Variants in CACNA2D1 observed in about 807,000 individuals in gnomAD.
CACNA2D1 encodes the protein voltage-dependent calcium channel subunit alpha-2/delta-1.
CACNA2D1 carries 53 observed loss-of-function variants against 171.5 expected under a neutral mutation model. The observed-to-expected ratio is 0.31, with a 90% confidence interval of 0.25 to 0.39. The LOEUF (loss-of-function observed/expected upper bound fraction) is 0.39, where lower values mean the gene tolerates loss of function less well. Ranked by LOEUF, CACNA2D1 falls within the 10% of genes least tolerant of loss-of-function variation. The pLI is 1.00. For synonymous variants in CACNA2D1, 442 were observed against 443.1 expected, an observed-to-expected ratio of 1.00 and a Z score of 0.03; for missense variants, 903 against 1,299.8, an observed-to-expected ratio of 0.69 and a Z score of 4.69.
chr7:82,065,687 G>A (rs916920559), intron 8 of CACNA2D1, among the ~76,000 whole-genome samples: 11 of 152,034 alleles, frequency 7.2e-5, no homozygotes, highest in Middle Eastern at 3.2e-3. Flanking sequence ...TAACCTAAAC[G>A]TCCAATAATA....
At chr7:82,405,511 A>C (rs1344491071) in intron 1 of CACNA2D1, among the ~76,000 whole-genome samples, 3 of 152,176 alleles carry the variant, frequency 2.0e-5, no homozygotes, top group Non-Finnish European at 2.9e-5. Flanking sequence ...GAGGCTACTG[A>C]GTAGGAAAAT....
Position 82,116,941 on chromosome 7 carries a change from A to G in CACNA2D1, c.526+103T>C, listed in dbSNP as rs1304219670. 4.7e-6 allele frequency: 6 copies of G among 1,284,698 alleles called. No homozygotes were observed. In the African/African-American group the frequency reaches 8.8e-5, roughly 19 times the overall value. 79.6% of individuals were successfully genotyped at this position (1,284,698 alleles called of 1,614,324 possible). A position where few individuals can be genotyped will look rare whatever the true frequency, so the allele number is the denominator to read the frequency against. ...TACCACAGACTCTTATATGACAAAC[A>G]AAACAATGTCACATTTGCTCTTTTT... is the stretch of plus-strand genomic sequence containing the variant. On this transcript the variant is annotated intron_variant, in intron 6 of 38. Coordinates refer to ENST00000356860, the MANE Select transcript of CACNA2D1 (RefSeq NM_000722.4).
At chr7:82,051,242 G>A (rs1253038113) in intron 10 of CACNA2D1, 1 of 152,164 alleles carries the variant, frequency 6.6e-6, no homozygotes, top group African/African-American at 2.4e-5. Flanking sequence ...GGCTTTTATA[G>A]CAGTTGCATT....
In CACNA2D1 at chr7:82,206,435, T is replaced by C. The variant is rs560082160; in HGVS notation, c.295-35826A>G. Among the ~76,000 whole-genome samples, 8 of 152,266 alleles carry C rather than the reference T, an allele frequency of 5.3e-5. No homozygotes were observed. In the South Asian group the frequency reaches 1.7e-3, roughly 32 times the overall value. On this transcript the variant is annotated intron_variant, in intron 3 of 38. Transcript: ENST00000356860. ...AATAACTCTTAACAAGTAACAACCA[T>C]GCATATTTTACTTCCTACTTCATCA...
intron 3 of CACNA2D1, among the ~76,000 whole-genome samples, chr7:82,259,229 CA>C: frequency 8.2e-5 from 1 of 12,268 alleles, no homozygotes; most frequent in African/African-American, 3.0e-3. Flanking sequence ...GATAAATAGA[CA>C]GACAGACAGA....
chr7:82,302,993 TTTTG>T (rs1174575812), intron 3 of CACNA2D1, among the ~76,000 whole-genome samples: 2 of 152,052 alleles, frequency 1.3e-5, no homozygotes, highest in African/African-American at 4.8e-5. Context: ...TTTTCTGTTT[TTTTG>T]TTTGTTTGTT....
At chr7:82,047,346 A>C (rs1345015576) in intron 10 of CACNA2D1, among the ~76,000 whole-genome samples, 1 of 152,326 alleles carries the variant, frequency 6.6e-6, no homozygotes, top group Non-Finnish European at 1.5e-5. Flanking sequence ...TGTGAAGCAG[A>C]CATGACCAAT....
intron 31 of CACNA2D1, among the ~76,000 whole-genome samples, chr7:81,965,976 GGATA>G (rs1334993938): frequency 6.6e-6 from 1 of 151,448 alleles, no homozygotes; most frequent in African/African-American, 2.4e-5. Context: ...CCAGAAAACT[GGATA>G]GAGAAAATTA....
Position 82,363,064 on chromosome 7 carries a change from T to A in CACNA2D1, c.96-13415A>T, listed in dbSNP as rs892768924. Among the ~76,000 whole-genome samples, 3 of 152,096 alleles carry A rather than the reference T, an allele frequency of 2.0e-5. No individual in the cohort carries two copies. In the South Asian group the frequency reaches 6.2e-4, roughly 32 times the overall value. On this transcript the variant is annotated intron_variant, in intron 1 of 38. Transcript: ENST00000356860. ...TTCTTTACATACACTTCTACATTGCTTAATTTTTCAATGATTATTATCACT... is the reference window on the plus strand; with the variant it reads ...TTCTTTACATACACTTCTACATTGCATAATTTTTCAATGATTATTATCACT...
intron 6 of CACNA2D1, among the ~76,000 whole-genome samples, chr7:82,092,540 C>CTT (rs71093360): frequency 1.2e-4 from 12 of 102,702 alleles, no homozygotes; most frequent in African/African-American, 2.3e-4. Flanking sequence ...GCCCAGCTAA[C>CTT]TTTTTTTTTT....
intron 4 of CACNA2D1, among the ~76,000 whole-genome samples, chr7:82,147,380 G>A (rs1793267705): frequency 6.6e-6 from 1 of 152,108 alleles, no homozygotes; most frequent in Non-Finnish European, 1.5e-5. Context: ...TAGAATATGA[G>A]AAGGTAAATA....
chr7:82,091,189 T>G (rs1252235908), intron 6 of CACNA2D1, among the ~76,000 whole-genome samples: 1 of 152,172 alleles, frequency 6.6e-6, no homozygotes, highest in African/African-American at 2.4e-5. Flanking sequence ...CCAGTGTAAA[T>G]GAAAGATGAA....
At chr7:82,354,970 T>A (rs1820259671) in intron 1 of CACNA2D1, among the ~76,000 whole-genome samples, 1 of 152,198 alleles carries the variant, frequency 6.6e-6, no homozygotes, top group South Asian at 2.1e-4. Context: ...TCTCTTTATA[T>A]CTTTTTCTAT....
chr7:82,129,515 A>G (rs759773711), intron 5 of CACNA2D1, among the ~76,000 whole-genome samples: 1 of 152,174 alleles, frequency 6.6e-6, no homozygotes, highest in Non-Finnish European at 1.5e-5. Flanking sequence ...AACAATTCAC[A>G]TTGTCAAATT....
chr7:82,289,477 C>A (rs1451898129), intron 3 of CACNA2D1, among the ~76,000 whole-genome samples: 1 of 152,086 alleles, frequency 6.6e-6, no homozygotes, highest in African/African-American at 2.4e-5. Context: ...AAAAATGGGA[C>A]TAGAATTGAA....
intron 1 of CACNA2D1, among the ~76,000 whole-genome samples, chr7:82,370,989 T>C (rs1052188610): frequency 1.3e-5 from 2 of 152,184 alleles, no homozygotes; most frequent in Non-Finnish European, 2.9e-5. Flanking sequence ...TGATTCTATA[T>C]GCAGTCACAC....
chr7:82,383,910 T>C (rs1824001595), intron 1 of CACNA2D1, among the ~76,000 whole-genome samples: 1 of 152,146 alleles, frequency 6.6e-6, no homozygotes, highest in Admixed American at 6.5e-5. Flanking sequence ...ATGTAGATTA[T>C]CAAAATTTTA....
intron 3 of CACNA2D1, among the ~76,000 whole-genome samples, chr7:82,244,584 C>T (rs1421977202): frequency 1.3e-5 from 2 of 151,494 alleles, no homozygotes; most frequent in Admixed American, 6.6e-5. Flanking sequence ...CATGACCTGA[C>T]GTCTTAACAT....
chr7:82,432,503 T>C (rs2237531), intron 1 of CACNA2D1, among the ~76,000 whole-genome samples: 99,723 of 152,134 alleles, frequency 0.66, 33,752 homozygotes, highest in African/African-American at 0.83. Flanking sequence ...GGATATTCTG[T>C]CAGTTTTTTG....
Sources: gnomAD v4.1 joint callset for allele counts (sites outside exome capture counted in the v4.1 genomes callset) on GRCh38, gnomAD v4.1.1 for gene constraint, MANE v1.5 for transcripts, NCBI Gene and HGNC (gene_info 2026-07-23, HGNC 2026-07-21) for gene names.